RXRA: variants seen among roughly 807,000 people sequenced by gnomAD.
The protein encoded by RXRA is retinoic acid receptor RXR-alpha.
In RXRA, 5 loss-of-function variants were observed where a neutral mutation model predicts 44.5. That is an observed-to-expected ratio of 0.11 (90% CI 0.06 to 0.24). The LOEUF is 0.24. Ranked by LOEUF, RXRA falls within the 10% of genes least tolerant of loss-of-function variation. RXRA has a pLI of 1.00. For synonymous variants in RXRA, 291 were observed against 271.4 expected (o/e 1.07, Z -0.71); for missense variants, 412 against 646.5 (o/e 0.64, Z 3.93).
At chr9:134,427,702 G>A (rs1831457747) in intron 6 of RXRA, among the ~76,000 whole-genome samples, 3 of 152,218 alleles carry the variant, frequency 2.0e-5, no homozygotes, top group African/African-American at 7.2e-5. Context: ...TATGTGCTGG[G>A]AGGGTGTGGA....
intron 7 of RXRA, among the ~76,000 whole-genome samples, chr9:134,429,562 A>G (rs931387091): frequency 6.6e-6 from 1 of 152,184 alleles, no homozygotes; most frequent in Non-Finnish European, 1.5e-5. Context: ...CAGTTTTGTA[A>G]AAGTGTCAAT....
chr9:134,371,728 G>A (rs1327179085), intron 1 of RXRA, among the ~76,000 whole-genome samples: 1 of 152,166 alleles, frequency 6.6e-6, no homozygotes, highest in Non-Finnish European at 1.5e-5. Context: ...GAAGTGGTCC[G>A]CCCTTGTCTC....
At chr9:134,402,044 G>T in intron 2 of RXRA, 162 bp downstream of exon 2, 1 of 655,412 alleles carries the variant, frequency 1.5e-6, no homozygotes, top group Non-Finnish European at 2.5e-6. Flanking sequence ...GAGTGCCGTG[G>T]GGGTTTGAGC....
intron 1 of RXRA, among the ~76,000 whole-genome samples, chr9:134,359,606 G>T (rs1015948291): frequency 6.6e-5 from 10 of 152,190 alleles, no homozygotes; most frequent in Non-Finnish European, 1.5e-4. Context: ...CCGGGGAGGG[G>T]TGTGACCTAC....
At chr9:134,394,230 ATGG>A (rs1184257162) in intron 1 of RXRA, among the ~76,000 whole-genome samples, 2 of 80,728 alleles carry the variant, frequency 2.5e-5, no homozygotes, top group African/African-American at 9.5e-5. Context: ...GATCATAGTG[ATGG>A]TGGTGGTGAT....
chr9:134,368,105 C>T (rs1368650719), intron 1 of RXRA, among the ~76,000 whole-genome samples: 1 of 152,238 alleles, frequency 6.6e-6, no homozygotes, highest in Non-Finnish European at 1.5e-5. Context: ...AGGGTCTCCT[C>T]AACCCCCTCC....
rs1830102144 is a variant in RXRA, at chr9:134,342,805, C to T, written c.28+16146C>T. Among the ~76,000 whole-genome samples, 1 of 152,180 alleles carries T rather than the reference C, an allele frequency of 6.6e-6. No homozygotes were observed. Among genetic ancestry groups the T allele is most frequent in the South Asian group, 2.1e-4 (1 of 4,830 alleles). Reference sequence around the variant, plus strand: ...CTGCCTACCTGCCTTCCTGGCCCTTCCTGCTCTGGCTGGCTCAGCAGGTTG... The same window carrying T: ...CTGCCTACCTGCCTTCCTGGCCCTTTCTGCTCTGGCTGGCTCAGCAGGTTG... On this transcript the variant is annotated intron_variant, in intron 1 of 9. Transcript: ENST00000481739. This position sits in a 1 kb window ranked among gnomAD's most constrained non-coding sequence, Gnocchi z 4.4.
intron 2 of RXRA, chr9:134,402,200 C>T: frequency 2.5e-6 from 1 of 401,044 alleles, no homozygotes; most frequent in Non-Finnish European, 4.5e-6. Flanking sequence ...CAGAGAGAGG[C>T]TGTGGCCTCC....
In RXRA at chr9:134,408,312, TG is replaced by T. The variant is rs1355952191; in HGVS notation, c.430+18del. ...GACCGCTCCTCAGGTACCGCTGCTG[TG>T]GGGGCCAGGGGCTGGTGGGACAGGG... On this transcript the variant is annotated intron_variant, in intron 3 of 9. Transcript: ENST00000481739. The T allele has an allele frequency of 1.3e-6, 2 of 1,592,006 alleles. No homozygotes were observed. Among genetic ancestry groups the T allele is most frequent in the Middle Eastern group, 1.7e-4 (1 of 5,938 alleles).
chr9:134,416,962 C>T (rs1831244480), intron 4 of RXRA, among the ~76,000 whole-genome samples, 196 bp from the exon 5 acceptor site: 1 of 152,180 alleles, frequency 6.6e-6, no homozygotes, highest in Admixed American at 6.5e-5. Context: ...GAGAGTTGGC[C>T]TCTGTTCTCA....
In RXRA at chr9:134,382,865, G is replaced by A. The variant is rs539571693; in HGVS notation, c.29-18767G>A. ...CTGAGAGCAGCGTTCGGCGAGTGTG[G>A]ACTCTGCCCCGGTGCTGGGCGCAGC... On this transcript the variant is annotated intron_variant, in intron 1 of 9. Transcript: ENST00000481739. 4.6e-5 allele frequency among the ~76,000 whole-genome samples: 7 copies of A among 152,334 alleles called. No individual in the cohort carries two copies. The East Asian group carries it at 1.4e-3, about 29-fold the overall frequency.
intron 1 of RXRA, 69 bp from the exon 2 acceptor site, chr9:134,401,563 G>A: frequency 6.2e-7 from 1 of 1,601,152 alleles, no homozygotes. Flanking sequence ...GTAGCTGGGG[G>A]GAGCAGGCAT....
chr9:134,414,328 G>A (rs1017952078), intron 4 of RXRA, among the ~76,000 whole-genome samples: 5 of 152,256 alleles, frequency 3.3e-5, no homozygotes, highest in African/African-American at 1.2e-4. Flanking sequence ...ATGCCCTGGG[G>A]CTACCTCTGA....
rs142368593 is a variant in RXRA at position 134,409,088 on chromosome 9, G to A, written c.579G>A (p.Gln193=). ...ACCGGTGCCAGTACTGCCGCTACCA[G>A]AAGTGCCTGGCCATGGGCATGAAGC... ...QRNRCQYCRY[Q]KCLAMGMKRE... The change falls in exon 4 of 10, where the codon CAG becomes CAA. Residue 193 remains glutamine, a synonymous_variant. Transcript: ENST00000481739. The A allele has an allele frequency of 1.6e-4, 261 of 1,603,722 alleles. 1 individual carries two copies. The African/African-American group carries it at 2.9e-3, about 18-fold the overall frequency.
chr9:134,357,858 C>T (rs983126417), intron 1 of RXRA, among the ~76,000 whole-genome samples: 4 of 152,250 alleles, frequency 2.6e-5, no homozygotes, highest in Non-Finnish European at 5.9e-5. Flanking sequence ...AACCTTCACA[C>T]TGTCTGATCC....
At chr9:134,401,413 G>T (rs1359697519) in intron 1 of RXRA, 2 of 686,780 alleles carry the variant, frequency 2.9e-6, no homozygotes, top group Admixed American at 5.5e-5. Flanking sequence ...CTAAAGCCGG[G>T]GTCAGGCGCA....
rs568688951 is a variant in RXRA at position 134,397,116 on chromosome 9, G to C, written c.29-4516G>C. Among the ~76,000 whole-genome samples the C allele has an allele frequency of 4.6e-5, 7 of 152,358 alleles. No homozygotes were observed. The South Asian group carries it at 1.4e-3, about 32-fold the overall frequency. On this transcript the variant is annotated intron_variant, in intron 1 of 9. Coordinates refer to ENST00000481739, the MANE Select transcript of RXRA (RefSeq NM_002957.6). ...CAGGGAGCAGAAGCATCCTGGCACT[G>C]GTGAGCGTTCTGGAGGGAACTGTGC...
chr9:134,385,737 C>G (rs538001075), intron 1 of RXRA, among the ~76,000 whole-genome samples: 1 of 152,254 alleles, frequency 6.6e-6, no homozygotes, highest in Non-Finnish European at 1.5e-5. Flanking sequence ...TCCAGCACTC[C>G]TGCATGCCGG....
intron 4 of RXRA, 33 bp downstream of exon 4, chr9:134,409,152 G>A: frequency 1.3e-6 from 2 of 1,508,316 alleles, no homozygotes; most frequent in Non-Finnish European, 8.9e-7. Context: ...GGCGCGGGCA[G>A]GTGTTGGACA....
Sources: allele counts gnomAD v4.1 joint callset (sites outside exome capture counted in the v4.1 genomes callset), GRCh38; gene constraint gnomAD v4.1.1; non-coding constraint Gnocchi (gnomAD v3.1); transcripts MANE v1.5; gene names NCBI Gene and HGNC (gene_info 2026-07-23, HGNC 2026-07-21).